TNFSF4: variants seen among roughly 807,000 people sequenced by gnomAD.
The protein encoded by TNFSF4 is TNF superfamily member 4, also known as tumor necrosis factor ligand superfamily member 4.
In TNFSF4, 4 loss-of-function variants were observed where a neutral mutation model predicts 7.3. That is an observed-to-expected ratio of 0.55 (90% CI 0.27 to 1.25). TNFSF4 has a LOEUF of 1.25. Among genes scored for constraint, TNFSF4 ranks in the 50% most tolerant of loss-of-function variants. TNFSF4 has a pLI of 0.12. For synonymous variants in TNFSF4, 76 were observed against 83.7 expected (o/e 0.91, Z 0.50); for missense variants, 181 against 208.8 (o/e 0.87, Z 0.82).
the TNFSF4 span, among the ~76,000 whole-genome samples, chr1:173,322,869 A>G: frequency 1.3e-5 from 2 of 152,220 alleles, no homozygotes; most frequent in Non-Finnish European, 2.9e-5. Flanking sequence ...AGGCTTGAGT[A>G]GGTAAACAAA....
chr1:173,329,287 A>G, the TNFSF4 span, among the ~76,000 whole-genome samples: 2,712 of 152,238 alleles, frequency 0.018, 63 homozygotes, highest in African/African-American at 0.062. Context: ...CCTCTCATAT[A>G]CTTTAAATCA....
chr1:173,174,312 G>T, the TNFSF4 span: 8 of 152,150 alleles, frequency 5.3e-5, no homozygotes, highest in Non-Finnish European at 7.3e-5. Context: ...ACATTTTCCT[G>T]TCTTCTGAGC....
chr1:173,381,646 A>T, the TNFSF4 span, among the ~76,000 whole-genome samples: 1 of 152,274 alleles, frequency 6.6e-6, no homozygotes, highest in South Asian at 2.1e-4. Flanking sequence ...CCTCTGGAGG[A>T]CACTACAACT....
chr1:173,382,617 C>A, the TNFSF4 span, among the ~76,000 whole-genome samples: 1 of 152,192 alleles, frequency 6.6e-6, no homozygotes, highest in South Asian at 2.1e-4. Context: ...CCAGGTGATT[C>A]CAGTGTGCAG....
the TNFSF4 span, among the ~76,000 whole-genome samples, chr1:173,349,545 C>T: frequency 6.6e-6 from 1 of 152,170 alleles, no homozygotes. Flanking sequence ...TGTCTCTAAC[C>T]GACAAAGTGG....
chr1:173,355,797 A>G, the TNFSF4 span, among the ~76,000 whole-genome samples: 10 of 152,340 alleles, frequency 6.6e-5, no homozygotes, highest in Admixed American at 3.9e-4. Context: ...ACTGCCATGC[A>G]GTTATATTCC....
chr1:173,343,486 A>G, the TNFSF4 span, among the ~76,000 whole-genome samples: 230 of 152,294 alleles, frequency 1.5e-3, 1 homozygote, highest in African/African-American at 5.4e-3. Context: ...GGGAAAGGAT[A>G]TGGTGATGCA....
At chr1:173,192,179 A>G (rs2101987060) in intron 1 of TNFSF4, among the ~76,000 whole-genome samples, 1 of 152,318 alleles carries the variant, frequency 6.6e-6, no homozygotes, top group South Asian at 2.1e-4. Flanking sequence ...GCCCATTAAA[A>G]TCTTACCATC....
the TNFSF4 span, among the ~76,000 whole-genome samples, chr1:173,260,675 C>G: frequency 6.6e-6 from 1 of 151,858 alleles, no homozygotes; most frequent in Non-Finnish European, 1.5e-5. Flanking sequence ...AGCAAAAAAA[C>G]AGGGGTCACA....
the TNFSF4 span, among the ~76,000 whole-genome samples, chr1:173,173,330 C>T: frequency 6.6e-6 from 1 of 152,150 alleles, no homozygotes; most frequent in African/African-American, 2.4e-5. Flanking sequence ...TCGTCTGAGA[C>T]AAGGCAAGTC....
At chr1:173,306,484 C>T in the TNFSF4 span, among the ~76,000 whole-genome samples, 1 of 151,870 alleles carries the variant, frequency 6.6e-6, no homozygotes, top group Non-Finnish European at 1.5e-5. Flanking sequence ...TTTCACCATA[C>T]GGTTATAGTC....
chr1:173,238,576 C>T, the TNFSF4 span, among the ~76,000 whole-genome samples: 32 of 151,796 alleles, frequency 2.1e-4, no homozygotes, highest in Admixed American at 2.0e-3. Flanking sequence ...AACACTACCC[C>T]TTTAAAAAGT....
chr1:173,425,185 T>A, the TNFSF4 span, among the ~76,000 whole-genome samples: 1 of 152,180 alleles, frequency 6.6e-6, no homozygotes, highest in African/African-American at 2.4e-5. Context: ...TTATAGGTTG[T>A]GAATTTGAAC....
the TNFSF4 span, among the ~76,000 whole-genome samples, chr1:173,346,619 A>T: frequency 6.6e-6 from 1 of 152,172 alleles, no homozygotes; most frequent in Non-Finnish European, 1.5e-5. Context: ...ACAGCTACCA[A>T]GGGAGAGATA....
the TNFSF4 span, among the ~76,000 whole-genome samples, chr1:173,297,857 T>A: frequency 5.9e-5 from 9 of 151,974 alleles, no homozygotes. Context: ...GGGAAATGCC[T>A]CTGGTTAGAA....
upstream of TNFSF4, among the ~76,000 whole-genome samples, chr1:173,211,285 T>G (rs1016343039): frequency 6.6e-6 from 1 of 152,182 alleles, no homozygotes; most frequent in African/African-American, 2.4e-5. Flanking sequence ...AAAATCTGAT[T>G]TGTAATCTGC....
the TNFSF4 span, among the ~76,000 whole-genome samples, chr1:173,413,545 C>A: frequency 6.6e-6 from 1 of 152,194 alleles, no homozygotes; most frequent in Non-Finnish European, 1.5e-5. Flanking sequence ...GACCACAGGG[C>A]ACATCGGTGT....
chr1:173,438,416 T>G, the TNFSF4 span, among the ~76,000 whole-genome samples: 72 of 152,296 alleles, frequency 4.7e-4, no homozygotes, highest in African/African-American at 1.6e-3. Flanking sequence ...CCCTGAAAAT[T>G]TGAGCTGATT....
At chr1:173,317,801 G>A in the TNFSF4 span, among the ~76,000 whole-genome samples, 5 of 152,146 alleles carry the variant, frequency 3.3e-5, no homozygotes, top group African/African-American at 1.2e-4. Flanking sequence ...TTCCGTTAGA[G>A]AGGGCAATTT....
Sources: allele counts gnomAD v4.1 joint callset (sites outside exome capture counted in the v4.1 genomes callset), GRCh38; gene constraint gnomAD v4.1.1; transcripts MANE v1.5; gene names NCBI Gene and HGNC (gene_info 2026-07-23, HGNC 2026-07-21).